Variants in VPS37A observed in about 807,000 individuals in gnomAD.
VPS37A encodes the protein VPS37A subunit of ESCRT-I, also known as vacuolar protein sorting-associated protein 37A.
A neutral mutation model predicts 49.8 loss-of-function variants in VPS37A; 30 were observed. The observed-to-expected ratio is 0.60, with a 90% CI of 0.45 to 0.82. The LOEUF is 0.82. Ranked by LOEUF, VPS37A falls within the 40% of genes least tolerant of loss-of-function variation. VPS37A has a pLI of 0.00. For synonymous variants in VPS37A, 195 were observed against 160.6 expected, an observed-to-expected ratio of 1.21 and a Z score of -1.62; for missense variants, 593 against 464.4, an observed-to-expected ratio of 1.28 and a Z score of -2.55.
chr8:17,278,718 G>C (rs977370312), intron 6 of VPS37A, among the ~76,000 whole-genome samples: 1 of 151,864 alleles, frequency 6.6e-6, no homozygotes, highest in Admixed American at 6.6e-5. Context: ...TTACAGTTCT[G>C]TTGTCTTTAG....
the VPS37A span, among the ~76,000 whole-genome samples, chr8:17,332,033 A>C: frequency 3.9e-5 from 6 of 151,998 alleles, no homozygotes; most frequent in East Asian, 1.2e-3. Flanking sequence ...GGCTAAAATC[A>C]AGAAGGGGAC....
chr8:17,293,649 C>T (rs1021778137), intron 11 of VPS37A, among the ~76,000 whole-genome samples: 53 of 152,022 alleles, frequency 3.5e-4, no homozygotes, highest in Non-Finnish European at 6.3e-4. Context: ...TTTGCATGGT[C>T]GTCATTTTTG....
intron 1 of VPS37A, among the ~76,000 whole-genome samples, chr8:17,262,791 G>A (rs911558670): frequency 3.9e-5 from 6 of 152,024 alleles, no homozygotes; most frequent in East Asian, 1.9e-4. Flanking sequence ...GGCCGGACAC[G>A]GTGACTCACG....
chr8:17,247,168 G>A lies in VPS37A; in HGVS notation c.-77G>A, dbSNP rs1041426053. On this transcript the variant is annotated 5_prime_UTR_variant, in exon 1 of 12. Coordinates refer to ENST00000324849, the MANE Select transcript of VPS37A (RefSeq NM_152415.3). ...CGTCCCACCCCGCTCCTCTGTCGCT[G>A]GAGAACCGCCGGGCCGAGCCACTGG... 2.6e-6 allele frequency: 4 copies of A among 1,544,110 alleles called. No homozygotes were observed. In the African/African-American group the frequency reaches 4.1e-5, roughly 16 times the overall value.
the VPS37A span, among the ~76,000 whole-genome samples, chr8:17,309,848 C>T: frequency 6.6e-6 from 1 of 152,114 alleles, no homozygotes; most frequent in East Asian, 1.9e-4. Context: ...CTTTTCTACA[C>T]ATTATAAGAA....
intron 1 of VPS37A, among the ~76,000 whole-genome samples, chr8:17,253,859 A>G (rs538079493): frequency 2.0e-5 from 3 of 152,330 alleles, no homozygotes; most frequent in African/African-American, 7.2e-5. Context: ...GCTAAAGTGG[A>G]TCAGCATTCT....
chr8:17,283,172 TA>T (rs1450094304), intron 9 of VPS37A, among the ~76,000 whole-genome samples: 1 of 151,390 alleles, frequency 6.6e-6, no homozygotes, highest in Non-Finnish European at 1.5e-5. Context: ...GCATGGCCAT[TA>T]TTTTTTTTTT....
chr8:17,288,316 C>T (rs930334712), intron 11 of VPS37A, among the ~76,000 whole-genome samples: 1 of 152,128 alleles, frequency 6.6e-6, no homozygotes, highest in Non-Finnish European at 1.5e-5. Context: ...TGGTTTGCTG[C>T]ACCCATCAAC....
chr8:17,247,229 C>G lies in VPS37A; in HGVS notation c.-16C>G, dbSNP rs1373366758. ...CCAGAGCCTTCCAGGGCCTCCGGCC[C>G]GTGGACCCGAGGAGGATGAGCTGGC... On this transcript the variant is annotated 5_prime_UTR_variant, in exon 1 of 12. Transcript: ENST00000324849. 7.7e-6 allele frequency: 12 copies of G among 1,565,322 alleles called. No homozygotes were observed. In the East Asian group the frequency reaches 9.5e-5, roughly 12 times the overall value.
At chr8:17,261,188 G>A (rs1317812804) in intron 1 of VPS37A, among the ~76,000 whole-genome samples, 1 of 152,054 alleles carries the variant, frequency 6.6e-6, no homozygotes, top group Non-Finnish European at 1.5e-5. Flanking sequence ...TTCTCTTACT[G>A]TGTATTTTCT....
the VPS37A span, among the ~76,000 whole-genome samples, chr8:17,321,997 T>TA: frequency 0.39 from 59,679 of 151,730 alleles, 13,010 homozygotes; most frequent in East Asian, 0.78. Context: ...ATGCAATTGC[T>TA]GGTGGGGTCA....
At position 17,247,003 on chromosome 8, in the gene VPS37A, C is replaced by T. The variant is rs536574920; in HGVS notation, c.-242C>T. 1,480 of 547,166 alleles carry T rather than the reference C, an allele frequency of 2.7e-3. 6 individuals carry two copies. Among genetic ancestry groups the T allele is most frequent in the Non-Finnish European group, 4.2e-3 (1,292 of 309,276 alleles). 33.9% of individuals were successfully genotyped at this position (547,166 alleles called of 1,614,324 possible). ...GGCTGGCCGGTTTGGGCGTCTGGGC[C>T]GTGAAGGTGGGACCTCCTGTTCCGG... On this transcript the variant is annotated 5_prime_UTR_variant, in exon 1 of 12. Transcript: ENST00000324849.
Position 17,247,147 on chromosome 8 carries a change from C to G in VPS37A, c.-98C>G. On this transcript the variant is annotated 5_prime_UTR_variant, in exon 1 of 12. Transcript: ENST00000324849. ...CCCCAGCGCTTGGGCCACGGACGTCCCACCCCGCTCCTCTGTCGCTGGAGA... is the reference window on the plus strand; with the variant it reads ...CCCCAGCGCTTGGGCCACGGACGTCGCACCCCGCTCCTCTGTCGCTGGAGA... The G allele has an allele frequency of 1.3e-6, 2 of 1,511,582 alleles. No individual in the cohort carries two copies. Among genetic ancestry groups the G allele is most frequent in the Non-Finnish European group, 1.8e-6 (2 of 1,120,480 alleles). The allele number at this position is 1,511,582 out of a possible 1,614,324, so 93.6% of individuals were successfully genotyped here.
At chr8:17,321,849 A>G in the VPS37A span, among the ~76,000 whole-genome samples, 2 of 152,268 alleles carry the variant, frequency 1.3e-5, no homozygotes, top group South Asian at 2.1e-4. Context: ...AAACATATAT[A>G]AACTACAGTA....
the VPS37A span, among the ~76,000 whole-genome samples, chr8:17,316,562 T>C: frequency 6.6e-6 from 1 of 151,966 alleles, no homozygotes; most frequent in Non-Finnish European, 1.5e-5. Flanking sequence ...AGTTCCTAAG[T>C]CTTCAGCTCT....
chr8:17,265,735 G>T, intron 1 of VPS37A, 172 bp from the exon 2 acceptor site: 2 of 1,510,218 alleles, frequency 1.3e-6, no homozygotes, highest in Non-Finnish European at 1.8e-6. Context: ...TAGATGATGA[G>T]CCTTTCTAAC....
chr8:17,286,428 G>A lies in VPS37A; in HGVS notation c.*1G>A, dbSNP rs749960580. 6.2e-7 allele frequency: 1 copy of A among 1,612,692 alleles called. No homozygotes were observed. Among genetic ancestry groups the A allele is most frequent in the Non-Finnish European group, 8.5e-7 (1 of 1,179,306 alleles). On this transcript the variant is annotated splice_donor_variant, in intron 11 of 11. Transcript: ENST00000324849. LOFTEE classifies it low-confidence loss of function (3UTR_SPLICE). ...CAGCCAATTTCATGCTCCACTATAG[G>A]TAAATTGTATTTCAAGTTTGAGTCT...
the VPS37A span, chr8:17,309,472 C>T: frequency 3.0e-6 from 2 of 662,384 alleles, no homozygotes; most frequent in African/African-American, 1.8e-5. Flanking sequence ...GCATTATCCA[C>T]CCATATAGAG....
chr8:17,302,057 A>G (rs1817152593), downstream of VPS37A: 1 of 1,511,526 alleles, frequency 6.6e-7, no homozygotes, highest in Non-Finnish European at 9.1e-7. Context: ...AAAATGTGAA[A>G]TATTTGTATT....
Sources: gnomAD v4.1 joint callset for allele counts (sites outside exome capture counted in the v4.1 genomes callset) on GRCh38, gnomAD v4.1.1 for gene constraint, MANE v1.5 for transcripts, NCBI Gene and HGNC (gene_info 2026-07-23, HGNC 2026-07-21) for gene names.